Variants in MECOM observed in about 807,000 individuals in gnomAD.
MECOM encodes the protein histone-lysine N-methyltransferase MECOM.
A neutral mutation model predicts 116.3 loss-of-function variants in MECOM; 13 were observed. The observed-to-expected ratio is 0.11, with a 90% CI of 0.07 to 0.18. The LOEUF is 0.18. MECOM is among the 10% of genes least tolerant of loss of function. The probability of loss-of-function intolerance (pLI) is 1.00; values close to 1 mark genes in which losing one functional copy is unlikely to be tolerated. For synonymous variants in MECOM, 528 were observed against 535.2 expected, an observed-to-expected ratio of 0.99 and a Z score of 0.19; for missense variants, 1,299 against 1,509.0, an observed-to-expected ratio of 0.86 and a Z score of 2.31.
intron 2 of MECOM, among the ~76,000 whole-genome samples, chr3:169,355,901 T>G (rs935607138): frequency 6.6e-6 from 1 of 151,892 alleles, no homozygotes; most frequent in Non-Finnish European, 1.5e-5. Context: ...GAATTGATTT[T>G]CATGAAAGGA....
At chr3:169,440,327 G>A (rs964579569) in intron 1 of MECOM, among the ~76,000 whole-genome samples, 1 of 152,094 alleles carries the variant, frequency 6.6e-6, no homozygotes. Flanking sequence ...CCTTCTTGTT[G>A]AAATGCGAAA....
At chr3:169,511,785 A>C (rs13320210) in intron 1 of MECOM, among the ~76,000 whole-genome samples, 2,248 of 152,026 alleles carry the variant, frequency 0.015, 58 homozygotes, top group African/African-American at 0.051. Context: ...AAAAAGCACA[A>C]AAAAAAATTT....
intron 2 of MECOM, among the ~76,000 whole-genome samples, chr3:169,342,468 C>T (rs1724707469): frequency 6.6e-6 from 1 of 152,056 alleles, no homozygotes. Flanking sequence ...AAAATTATCA[C>T]TACAGCAATC....
At chr3:169,598,399 G>A (rs1362998334) in intron 1 of MECOM, among the ~76,000 whole-genome samples, 1 of 152,138 alleles carries the variant, frequency 6.6e-6, no homozygotes, top group Non-Finnish European at 1.5e-5. Context: ...ATATACATCT[G>A]CCAATAAAAC....
chr3:169,374,273 G>A (rs764650523), intron 2 of MECOM, among the ~76,000 whole-genome samples: 2 of 151,834 alleles, frequency 1.3e-5, no homozygotes, highest in Non-Finnish European at 2.9e-5. Flanking sequence ...AACCAAAGCA[G>A]CTGGAATTTT....
chr3:169,604,039 G>C (rs1279158340), intron 1 of MECOM, among the ~76,000 whole-genome samples: 1 of 152,174 alleles, frequency 6.6e-6, no homozygotes, highest in African/African-American at 2.4e-5. Flanking sequence ...GGAAGTTTGT[G>C]TAATTGCCTT....
intron 2 of MECOM, among the ~76,000 whole-genome samples, chr3:169,279,029 C>G (rs1759959422): frequency 6.6e-6 from 1 of 152,134 alleles, no homozygotes; most frequent in East Asian, 1.9e-4. Context: ...AAACTATGCC[C>G]CCATCATTTG....
chr3:169,343,626 T>C (rs1180653081), intron 2 of MECOM, among the ~76,000 whole-genome samples: 1 of 152,220 alleles, frequency 6.6e-6, no homozygotes, highest in Non-Finnish European at 1.5e-5. Flanking sequence ...TTGTCAGTGT[T>C]GCTGTTAATT....
chr3:169,347,330 CT>C (rs1725532645), intron 2 of MECOM, among the ~76,000 whole-genome samples: 1 of 151,904 alleles, frequency 6.6e-6, no homozygotes, highest in Non-Finnish European at 1.5e-5. Flanking sequence ...CAAAATATTA[CT>C]ACAAAAATAA....
chr3:169,634,659 A>T (rs975894915), intron 1 of MECOM, among the ~76,000 whole-genome samples: 47 of 152,128 alleles, frequency 3.1e-4, no homozygotes, highest in Admixed American at 1.2e-3. Flanking sequence ...AAAGGGCCAA[A>T]GTTCTCTTTT....
chr3:169,662,847 C>A (rs1044971035), intron 1 of MECOM, among the ~76,000 whole-genome samples: 1 of 152,014 alleles, frequency 6.6e-6, no homozygotes, highest in African/African-American at 2.4e-5. Context: ...CAAACCGAGG[C>A]TCGAAAAGGC....
chr3:169,508,054 CT>C (rs1356312774), intron 1 of MECOM, among the ~76,000 whole-genome samples: 1 of 152,116 alleles, frequency 6.6e-6, no homozygotes, highest in Non-Finnish European at 1.5e-5. Flanking sequence ...TTTTAAGAGA[CT>C]ATTTCAAAAA....
chr3:169,115,630 G>T lies in MECOM; in HGVS notation c.2242C>A (p.Arg748=), dbSNP rs777818595. The stretch of plus-strand genomic sequence containing the variant: ...GGAGTCAAGGGCTTCTCATCCTTTC[G>T]CTTAGTGGTGAGATCAAAGGGGGAC... ...SESPFDLTTK[R]KDEKPLTPVP... Residue 748 remains arginine, a synonymous_variant, in exon 8 of 17, where the codon CGA becomes AGA. Coordinates refer to ENST00000651503, the MANE Select transcript of MECOM (RefSeq NM_004991.4). The T allele has an allele frequency of 1.9e-6, 3 of 1,614,082 alleles. No homozygotes were observed. Among genetic ancestry groups the T allele is most frequent in the East Asian group, 2.2e-5 (1 of 44,868 alleles).
Position 169,330,603 on chromosome 3 carries a change from C to T in MECOM, c.375+50584G>A, listed in dbSNP as rs114289717. 8.8e-3 allele frequency among the ~76,000 whole-genome samples: 1,338 copies of T among 152,206 alleles called. 8 individuals carry two copies. The highest frequency in any genetic ancestry group is 0.024 in the Middle Eastern group (7 of 294). On this transcript the variant is annotated intron_variant, in intron 2 of 16. Transcript: ENST00000651503. ...ATTATAGCCTCATCTCTTCCAACAT[C>T]CGATTCTGTGGAAATTTGCATGGAC...
At chr3:169,264,438 CA>C (rs1758013058) in intron 2 of MECOM, among the ~76,000 whole-genome samples, 1 of 152,008 alleles carries the variant, frequency 6.6e-6, no homozygotes, top group South Asian at 2.1e-4. Context: ...CAAGATGCCT[CA>C]AGTGCTTTGT....
In MECOM at chr3:169,127,850, A is replaced by G; in HGVS notation, c.824T>C (p.Leu275Ser). ...ACAACATGCCATTTCTAACCTTTGC[A>G]AATCAGGAAAAACTTGGTCACATTC... ...CKECDQVFPD[L>S]QSLEKHMLSH... The change falls in exon 5 of 17, where the codon TTG (leucine) becomes TCG (serine). Residue 275 changes from leucine (L) to serine (S), a missense_variant. Physicochemically the swap from Leu to Ser is moderately radical, Grantham distance 145. Transcript: ENST00000651503. The G allele has an allele frequency of 6.2e-7, 1 of 1,613,590 alleles. No homozygotes were observed. Among genetic ancestry groups the G allele is most frequent in the South Asian group, 1.1e-5 (1 of 91,058 alleles).
intron 1 of MECOM, among the ~76,000 whole-genome samples, chr3:169,543,001 A>G (rs1760286161): frequency 6.6e-6 from 1 of 152,266 alleles, no homozygotes; most frequent in African/African-American, 2.4e-5. Flanking sequence ...CCGAAAGTCA[A>G]CATGGGATAT....
At chr3:169,510,890 G>T (rs1755887414) in intron 1 of MECOM, among the ~76,000 whole-genome samples, 2 of 152,134 alleles carry the variant, frequency 1.3e-5, no homozygotes, top group South Asian at 4.1e-4. Context: ...CATGGCAAAG[G>T]TGTTGGTAAA....
At chr3:169,363,651 C>A (rs1256414779) in intron 2 of MECOM, among the ~76,000 whole-genome samples, 1 of 151,922 alleles carries the variant, frequency 6.6e-6, no homozygotes, top group Non-Finnish European at 1.5e-5. Context: ...AAGAGGCTGG[C>A]AGACTGCAGC....
Sources: allele counts gnomAD v4.1 joint callset (sites outside exome capture counted in the v4.1 genomes callset), GRCh38; gene constraint gnomAD v4.1.1; transcripts MANE v1.5; gene names NCBI Gene and HGNC (gene_info 2026-07-23, HGNC 2026-07-21).